Variants in EMX1 observed in about 807,000 individuals in gnomAD.
The protein encoded by EMX1 is homeobox protein EMX1.
EMX1 carries 10 observed loss-of-function variants against 20.1 expected under a neutral mutation model. The observed-to-expected ratio is 0.50, with a 90% CI of 0.31 to 0.84. The LOEUF (loss-of-function observed/expected upper bound fraction) is 0.84. Among genes scored for constraint, EMX1 ranks in the 40% least tolerant of loss-of-function variants. The pLI is 0.05. For missense variants in EMX1, 424 were observed against 431.9 expected (o/e 0.98, Z 0.16); for synonymous variants, 250 against 200.4 (o/e 1.25, Z -2.09).
In EMX1 at chr2:72,934,196, C is replaced by T. The variant is rs1453490699; in HGVS notation, c.*242C>T. On this transcript the variant is annotated 3_prime_UTR_variant, in exon 3 of 3. Transcript: ENST00000258106. ...CTGCCTGCCTGGGCGGGCCCGCCCG[C>T]CACCGCAGCCTCCCAGCTGCTCTCC... The T allele has an allele frequency of 1.9e-6, 1 of 526,980 alleles. No homozygotes were observed. The allele number at this position is 526,980 out of a possible 1,614,324, so 32.6% of individuals were successfully genotyped here. A position where few individuals can be genotyped will look rare whatever the true frequency, so the allele number is the denominator to read the frequency against.
chr2:72,918,384 C>T lies in EMX1; in HGVS notation c.520+12C>T. On this transcript the variant is annotated intron_variant, in intron 1 of 2. Coordinates refer to ENST00000258106, the MANE Select transcript of EMX1 (RefSeq NM_004097.3). ...CCACCGCTTCCAGGGTGAGTGTCCA[C>T]GCTGTGCCCGCCGAGGCGGCCGGCC... The T allele has an allele frequency of 1.5e-6, 2 of 1,377,790 alleles. No homozygotes were observed. Among genetic ancestry groups the T allele is most frequent in the African/African-American group, 3.0e-5 (2 of 65,614 alleles). The allele number at this position is 1,377,790 out of a possible 1,614,324, so 85.3% of individuals were successfully genotyped here.
In EMX1 at chr2:72,917,717, C is replaced by G. The variant is rs910204840; in HGVS notation, c.-136C>G. 8 of 855,460 alleles carry G rather than the reference C, an allele frequency of 9.4e-6. No homozygotes were observed. Among genetic ancestry groups the G allele is most frequent in the African/African-American group, 3.6e-5 (2 of 55,880 alleles). 53.0% of individuals were successfully genotyped at this position (855,460 alleles called of 1,614,324 possible). A position where few individuals can be genotyped will look rare whatever the true frequency, so the allele number is the denominator to read the frequency against. ...CTGCCCGCTCCGCCGCAGCAGCCGC[C>G]GCGCCTGGCCGTACGCTGTGGCCGG... On this transcript the variant is annotated 5_prime_UTR_variant, in exon 1 of 3. Coordinates refer to ENST00000258106, the MANE Select transcript of EMX1 (RefSeq NM_004097.3).
chr2:72,917,968 C>T lies in EMX1; in HGVS notation c.116C>T (p.Ala39Val), dbSNP rs1671000231. The stretch of plus-strand genomic sequence containing the variant: ...GCTGCGACCATGTTCCAGCCCGCGG[C>T]CAAGCGCGGCTTTACCATAGAGTCC... ...PAAATMFQPA[A>V]KRGFTIESLV... The change falls in exon 1 of 3, where the codon GCC (alanine) becomes GTC (valine). Residue 39 changes from alanine (A) to valine (V), a missense_variant. Coordinates refer to ENST00000258106, the MANE Select transcript of EMX1 (RefSeq NM_004097.3). 1 of 1,487,756 alleles carries T rather than the reference C, an allele frequency of 6.7e-7. No individual in the cohort carries two copies. The highest frequency in any genetic ancestry group is 8.9e-7 in the Non-Finnish European group (1 of 1,126,558). The allele number at this position is 1,487,756 out of a possible 1,614,324, so 92.2% of individuals were successfully genotyped here.
intron 1 of EMX1, among the ~76,000 whole-genome samples, chr2:72,919,225 ATTAT>A (rs1188882389): frequency 1.3e-5 from 2 of 148,872 alleles, no homozygotes; most frequent in African/African-American, 5.0e-5. Flanking sequence ...ACACGTTTCA[ATTAT>A]TTGTCTTTCC....
Position 72,917,849 on chromosome 2 carries a change from G to T in EMX1, c.-4G>T. On this transcript the variant is annotated 5_prime_UTR_variant, in exon 1 of 3. Transcript: ENST00000258106. ...GGGGAGGTGAGGGGTGCGGGCGGGT[G>T]TGCATGTGCCTGGCTGGGTGCACAC... The T allele has an allele frequency of 1.4e-6, 2 of 1,442,888 alleles. No homozygotes were observed. Among genetic ancestry groups the T allele is most frequent in the East Asian group, 6.1e-5 (2 of 32,668 alleles). The allele number at this position is 1,442,888 out of a possible 1,614,324, so 89.4% of individuals were successfully genotyped here.
upstream of EMX1, chr2:72,916,664 G>T: frequency 1.4e-6 from 1 of 714,368 alleles, no homozygotes; most frequent in East Asian, 2.7e-5. Context: ...GTGTCCTGAC[G>T]GCTGGCGTGT....
At chr2:72,928,747 G>T (rs1340731630) in intron 2 of EMX1, among the ~76,000 whole-genome samples, 1 of 152,210 alleles carries the variant, frequency 6.6e-6, no homozygotes, top group East Asian at 1.9e-4. Context: ...TTGCACATTT[G>T]TGAAACATGC....
chr2:72,932,817 G>A (rs914006666), intron 2 of EMX1, among the ~76,000 whole-genome samples: 1 of 152,184 alleles, frequency 6.6e-6, no homozygotes, highest in African/African-American at 2.4e-5. Flanking sequence ...GGGGCTCCCT[G>A]GGTTCAAAGT....
At chr2:72,922,031 CTTCACACCTCTGCCTCCTA>C (rs2105264158) in intron 1 of EMX1, among the ~76,000 whole-genome samples, 2 of 152,358 alleles carry the variant, frequency 1.3e-5, no homozygotes, top group South Asian at 4.1e-4. Context: ...CCACACTGCC[CTTCACACCTCTGCCTCCTA>C]TTCATACACA....
At chr2:72,927,792 C>T (rs552892745) in intron 2 of EMX1, among the ~76,000 whole-genome samples, 3 of 152,344 alleles carry the variant, frequency 2.0e-5, no homozygotes, top group Non-Finnish European at 2.9e-5. Context: ...GGAGTACATG[C>T]TCAATAAACA....
chr2:72,931,474 G>A (rs1477038875), intron 2 of EMX1, among the ~76,000 whole-genome samples: 3 of 152,194 alleles, frequency 2.0e-5, no homozygotes, highest in Non-Finnish European at 4.4e-5. Context: ...ATCTGGCCCT[G>A]AGTCACGCAC....
chr2:72,933,456 C>T (rs1011123665), intron 2 of EMX1: 2 of 292,558 alleles, frequency 6.8e-6, no homozygotes, highest in East Asian at 1.3e-4. Context: ...CTGCCGGCTT[C>T]CAGAGCCTGC....
At chr2:72,924,540 G>C (rs1671161542) in intron 2 of EMX1, 47 bp downstream of exon 2, 3 of 1,501,688 alleles carry the variant, frequency 2.0e-6, no homozygotes. Context: ...AGCCCGGGTG[G>C]AGGTGAGGGT....
upstream of EMX1, chr2:72,916,934 T>C (rs1036399006): frequency 7.0e-6 from 5 of 717,232 alleles, no homozygotes; most frequent in African/African-American, 7.0e-5. Flanking sequence ...TCCCGCGCAG[T>C]GCCCCGCCTG....
Position 72,918,098 on chromosome 2 carries a change from G to C in EMX1, c.246G>C (p.Ala82=). The change falls in exon 1 of 3, where the codon GCG becomes GCC. Residue 82 remains alanine (A), a synonymous_variant. Coordinates refer to ENST00000258106, the MANE Select transcript of EMX1 (RefSeq NM_004097.3). ...AASEEPLRPT[A]LNYPHPSAAE... Reference sequence around the variant, plus strand: ...CCGAGGAACCGCTCCGGCCCACGGCGCTCAACTACCCTCACCCCAGCGCGG... The same window carrying C: ...CCGAGGAACCGCTCCGGCCCACGGCCCTCAACTACCCTCACCCCAGCGCGG... 6.9e-7 allele frequency: 1 copy of C among 1,455,532 alleles called. No homozygotes were observed. Among genetic ancestry groups the C allele is most frequent in the Non-Finnish European group, 9.0e-7 (1 of 1,114,104 alleles). 90.2% of individuals were successfully genotyped at this position (1,455,532 alleles called of 1,614,324 possible). A position where few individuals can be genotyped will look rare whatever the true frequency, so the allele number is the denominator to read the frequency against.
Position 72,934,133 on chromosome 2 carries a change from C to A in EMX1, c.*179C>A. 1 of 936,304 alleles carries A rather than the reference C, an allele frequency of 1.1e-6. No homozygotes were observed. The highest frequency in any genetic ancestry group is 3.0e-5 in the Admixed American group (1 of 33,088). The allele number at this position is 936,304 out of a possible 1,614,324, so 58.0% of individuals were successfully genotyped here. A position where few individuals can be genotyped will look rare whatever the true frequency, so the allele number is the denominator to read the frequency against. ...GACAGAGGGACAAGCAATGGGCTGG[C>A]TGAGGCCTGGGACCACTTGGCCTTC... On this transcript the variant is annotated 3_prime_UTR_variant, in exon 3 of 3. Transcript: ENST00000258106.
intron 1 of EMX1, among the ~76,000 whole-genome samples, chr2:72,921,444 G>A (rs1165773251): frequency 1.3e-5 from 2 of 152,206 alleles, no homozygotes; most frequent in Non-Finnish European, 2.9e-5. Context: ...TGAACCCCTG[G>A]TAGGGGTGGT....
chr2:72,917,969 C>G lies in EMX1; in HGVS notation c.117C>G (p.Ala39=). 2 of 1,487,904 alleles carry G rather than the reference C, an allele frequency of 1.3e-6. No homozygotes were observed. The highest frequency in any genetic ancestry group is 1.8e-6 in the Non-Finnish European group (2 of 1,126,648). The allele number at this position is 1,487,904 out of a possible 1,614,324, so 92.2% of individuals were successfully genotyped here. Residue 39 remains alanine (A), a synonymous_variant, in exon 1 of 3, where the codon GCC becomes GCG. Coordinates refer to ENST00000258106, the MANE Select transcript of EMX1 (RefSeq NM_004097.3). ...PAAATMFQPA[A]KRGFTIESLV... ...CTGCGACCATGTTCCAGCCCGCGGC[C>G]AAGCGCGGCTTTACCATAGAGTCCT...
chr2:72,932,937 TGCCCGTGAAGGGCAGAATGCTGC>T (rs1214707196), intron 2 of EMX1: 2 of 152,298 alleles, frequency 1.3e-5, no homozygotes, highest in Admixed American at 1.3e-4. Flanking sequence ...GGTCTGGAGC[TGCCCGTGAAGGGCAGAATGCTGC>T]CCTCAGACCC....
Sources: gnomAD v4.1 joint callset for allele counts (sites outside exome capture counted in the v4.1 genomes callset) on GRCh38, gnomAD v4.1.1 for gene constraint, MANE v1.5 for transcripts, NCBI Gene and HGNC (gene_info 2026-07-23, HGNC 2026-07-21) for gene names.